Variants in INPP4A observed in about 807,000 individuals in gnomAD.
INPP4A encodes inositol polyphosphate-4-phosphatase type I A.
A neutral mutation model predicts 119.8 loss-of-function variants in INPP4A; 33 were observed. The ratio of observed to expected loss-of-function variants is 0.28; its 90% CI spans 0.21 to 0.37. The LOEUF is 0.37. Ranked by LOEUF, INPP4A falls within the 10% of genes least tolerant of loss-of-function variation. INPP4A has a pLI of 1.00. For missense variants in INPP4A, 956 were observed against 1,289.9 expected (o/e 0.74, Z 3.97); for synonymous variants, 496 against 500.7 (o/e 0.99, Z 0.12).
intron 4 of INPP4A, 66 bp from the exon 5 acceptor site, chr2:98,533,311 T>C: frequency 1.0e-6 from 1 of 984,736 alleles, no homozygotes; most frequent in Non-Finnish European, 1.6e-6. Context: ...TGAATGTGTT[T>C]GGAACAGAAA....
At chr2:98,450,895 C>T (rs966947035) in intron 1 of INPP4A, among the ~76,000 whole-genome samples, 4 of 152,168 alleles carry the variant, frequency 2.6e-5, no homozygotes, top group Non-Finnish European at 5.9e-5. Context: ...CCTCACCCTC[C>T]CTAGTAGCTG....
intron 1 of INPP4A, among the ~76,000 whole-genome samples, chr2:98,459,516 G>T (rs1043095479): frequency 4.6e-5 from 7 of 152,178 alleles, no homozygotes; most frequent in African/African-American, 1.7e-4. Context: ...TTCCTTGAGG[G>T]TCTGGAGAAG....
intron 10 of INPP4A, among the ~76,000 whole-genome samples, chr2:98,540,264 G>A (rs1691169249): frequency 6.6e-6 from 1 of 152,042 alleles, no homozygotes; most frequent in South Asian, 2.1e-4. Context: ...CCTCTCACTG[G>A]TCCTTCAGAA....
chr2:98,504,522 G>A (rs1245583771), intron 1 of INPP4A, among the ~76,000 whole-genome samples: 1 of 152,272 alleles, frequency 6.6e-6, no homozygotes, highest in Middle Eastern at 3.4e-3. Context: ...AAACAGCATT[G>A]TAACGTTGGT....
chr2:98,584,427 A>G (rs963913515), intron 24 of INPP4A, among the ~76,000 whole-genome samples: 2 of 152,234 alleles, frequency 1.3e-5, no homozygotes, highest in Admixed American at 6.5e-5. Flanking sequence ...GACTGCAGAC[A>G]GCACCCCTCC....
intron 1 of INPP4A, among the ~76,000 whole-genome samples, chr2:98,486,631 G>A (rs914996966): frequency 6.6e-6 from 1 of 151,204 alleles, no homozygotes; most frequent in Non-Finnish European, 1.5e-5. Context: ...GTGTGGGGCT[G>A]GATTTTTGCA....
Position 98,467,460 on chromosome 2 carries a change from A to G in INPP4A, c.-166+22375A>G, listed in dbSNP as rs141727491. Among the ~76,000 whole-genome samples, 793 of 152,150 alleles carry G rather than the reference A, an allele frequency of 5.2e-3. 12 individuals are homozygous for G. Among genetic ancestry groups the G allele is most frequent in the African/African-American group, 0.018 (736 of 41,468 alleles). On this transcript the variant is annotated intron_variant, in intron 1 of 24. Transcript: ENST00000409851. ...GTTTAAACGCTTTCTCCTTTCCCCT[A>G]TTATGTTGCTGTTAAGACTGTGAAG...
chr2:98,539,247 TC>T (rs1350447828), intron 9 of INPP4A, among the ~76,000 whole-genome samples: 1 of 152,244 alleles, frequency 6.6e-6, no homozygotes, highest in Non-Finnish European at 1.5e-5. Context: ...CTTTTCTGTT[TC>T]ACATTGGGGT....
chr2:98,491,527 G>A (rs1680772906), intron 1 of INPP4A, among the ~76,000 whole-genome samples: 1 of 152,224 alleles, frequency 6.6e-6, no homozygotes, highest in Non-Finnish European at 1.5e-5. Context: ...GGTGGCAAGT[G>A]AGGAAGGTGA....
intron 4 of INPP4A, among the ~76,000 whole-genome samples, chr2:98,529,693 G>C (rs935362779): frequency 1.3e-5 from 2 of 151,756 alleles, no homozygotes; most frequent in Non-Finnish European, 2.9e-5. Flanking sequence ...CTGAGATCGC[G>C]CCACTGCACT....
intron 4 of INPP4A, among the ~76,000 whole-genome samples, chr2:98,525,955 G>A (rs918601384): frequency 2.0e-5 from 3 of 152,180 alleles, no homozygotes; most frequent in African/African-American, 7.2e-5. Flanking sequence ...TTAGTTGTAT[G>A]TAATTATGCA....
At chr2:98,586,972 C>T (rs1700020463) in intron 24 of INPP4A, among the ~76,000 whole-genome samples, 1 of 152,248 alleles carries the variant, frequency 6.6e-6, no homozygotes, top group African/African-American at 2.4e-5. Context: ...CCTTCCTAGC[C>T]AGCTGGCTTT....
intron 1 of INPP4A, among the ~76,000 whole-genome samples, chr2:98,482,558 G>C (rs1051544142): frequency 6.6e-6 from 1 of 152,224 alleles, no homozygotes; most frequent in Admixed American, 6.5e-5. Context: ...GTGGGCCTCT[G>C]TGCAATGGCC....
chr2:98,553,889 C>G (rs796660510), intron 14 of INPP4A, among the ~76,000 whole-genome samples: 4 of 152,292 alleles, frequency 2.6e-5, no homozygotes, highest in African/African-American at 9.6e-5. Flanking sequence ...ACAATTGAAC[C>G]AAAGTAAGGC....
intron 24 of INPP4A, among the ~76,000 whole-genome samples, chr2:98,586,734 G>A (rs1375563703): frequency 6.6e-6 from 1 of 152,202 alleles, no homozygotes; most frequent in Non-Finnish European, 1.5e-5. Flanking sequence ...GTTCTCTAGG[G>A]AAGGGCACCT....
intron 1 of INPP4A, among the ~76,000 whole-genome samples, chr2:98,513,459 T>TCACG (rs1685517948): frequency 6.6e-6 from 1 of 151,152 alleles, no homozygotes; most frequent in Admixed American, 6.6e-5. Flanking sequence ...AGACATTCAT[T>TCACG]CACTCACTCA....
intron 1 of INPP4A, among the ~76,000 whole-genome samples, chr2:98,510,359 T>C (rs1684894861): frequency 6.6e-6 from 1 of 152,198 alleles, no homozygotes; most frequent in Non-Finnish European, 1.5e-5. Context: ...GGTCTGGGCT[T>C]GTTCTGCTCC....
intron 20 of INPP4A, 118 bp downstream of exon 20, chr2:98,565,884 C>T (rs1696340421): frequency 2.0e-6 from 3 of 1,515,544 alleles, no homozygotes; most frequent in South Asian, 2.4e-5. Context: ...GCTCTGATTA[C>T]AGCCCCCTAG....
chr2:98,561,153 T>C (rs916864079), intron 17 of INPP4A, among the ~76,000 whole-genome samples: 9 of 152,230 alleles, frequency 5.9e-5, no homozygotes, highest in Non-Finnish European at 1.2e-4. Context: ...GATTTGAAAG[T>C]GCTCTTCAAA....
Sources: gnomAD v4.1 joint callset for allele counts (sites outside exome capture counted in the v4.1 genomes callset) on GRCh38, gnomAD v4.1.1 for gene constraint, MANE v1.5 for transcripts, NCBI Gene and HGNC (gene_info 2026-07-23, HGNC 2026-07-21) for gene names.